Variants in TFDP2 observed in about 807,000 individuals in gnomAD.
TFDP2 encodes transcription factor Dp-2 (E2F dimerization partner 2).
Under a neutral mutation model 59.3 loss-of-function variants are expected in TFDP2, and 17 were observed. That is an observed-to-expected ratio of 0.29 (90% confidence interval 0.20 to 0.43). The LOEUF (loss-of-function observed/expected upper bound fraction) is 0.43. TFDP2 is among the 20% of genes least tolerant of loss of function. The pLI, the probability that TFDP2 is intolerant of heterozygous loss-of-function variation, is 1.00. For synonymous variants in TFDP2, 180 were observed against 194.7 expected (o/e 0.92, Z 0.63); for missense variants, 391 against 528.8 (o/e 0.74, Z 2.56).
At chr3:142,015,360 G>A (rs946231786) in intron 3 of TFDP2, among the ~76,000 whole-genome samples, 5 of 152,048 alleles carry the variant, frequency 3.3e-5, no homozygotes, top group African/African-American at 9.7e-5. Flanking sequence ...TGTCTTACAC[G>A]TATCTCAAAC....
chr3:142,006,592 C>T (rs1297321498), intron 3 of TFDP2, among the ~76,000 whole-genome samples: 1 of 151,790 alleles, frequency 6.6e-6, no homozygotes, highest in Non-Finnish European at 1.5e-5. Flanking sequence ...CCTCAGCCTC[C>T]AAAGTGGCTG....
chr3:142,016,141 A>C (rs1465678054), intron 3 of TFDP2, among the ~76,000 whole-genome samples: 1 of 150,744 alleles, frequency 6.6e-6, no homozygotes, highest in Non-Finnish European at 1.5e-5. Context: ...CCTCCCGAGT[A>C]GCTGGAATTA....
chr3:142,101,664 G>A, intron 2 of TFDP2, 71 bp downstream of exon 2: 1 of 1,014,960 alleles, frequency 9.9e-7, no homozygotes, highest in Middle Eastern at 2.2e-4. Context: ...CCAGAATGGT[G>A]AGAAAATATG....
Position 142,029,431 on chromosome 3 carries a change from T to C in TFDP2, c.83-23887A>G, listed in dbSNP as rs967172332. On this transcript the variant is annotated intron_variant, in intron 3 of 12. Transcript: ENST00000489671. ...GCTAGGGTTAAGTACCTTTCTCCAT[T>C]TTCTCAAGAGGGAACTCAATTATGT... Among the ~76,000 whole-genome samples the C allele has an allele frequency of 4.7e-5, 7 of 148,206 alleles. No individual in the cohort carries two copies. In the East Asian group the frequency reaches 1.2e-3, roughly 25 times the overall value.
intron 10 of TFDP2, among the ~76,000 whole-genome samples, chr3:141,962,864 C>CA (rs912852217): frequency 6.6e-6 from 1 of 152,202 alleles, no homozygotes; most frequent in African/African-American, 2.4e-5. Flanking sequence ...GGTACTGACG[C>CA]AATTATTATA....
chr3:142,022,977 G>A (rs148436924), intron 3 of TFDP2, among the ~76,000 whole-genome samples: 5,160 of 151,292 alleles, frequency 0.034, 292 homozygotes, highest in African/African-American at 0.12. Flanking sequence ...AAAATTAGCC[G>A]GGCGCAGTGG....
At chr3:142,094,744 TCAC>T (rs2061108919) in intron 2 of TFDP2, among the ~76,000 whole-genome samples, 1 of 152,224 alleles carries the variant, frequency 6.6e-6, no homozygotes, top group Non-Finnish European at 1.5e-5. Context: ...TGTAAAATGA[TCAC>T]CACAGTCAAG....
intron 3 of TFDP2, among the ~76,000 whole-genome samples, chr3:142,090,641 G>T (rs1288841640): frequency 3.3e-5 from 5 of 149,986 alleles, no homozygotes; most frequent in African/African-American, 1.2e-4. Flanking sequence ...GCTCACTGCA[G>T]CTTCCGCCTC....
chr3:141,976,330 G>A (rs1423995098), intron 7 of TFDP2, among the ~76,000 whole-genome samples: 1 of 152,108 alleles, frequency 6.6e-6, no homozygotes, highest in Admixed American at 6.6e-5. Flanking sequence ...AGGAACTTAA[G>A]TTATAAAGGT....
intron 3 of TFDP2, chr3:142,043,904 G>C: frequency 7.2e-6 from 7 of 967,822 alleles, no homozygotes; most frequent in Non-Finnish European, 1.2e-5. Context: ...CTAAGCAGCC[G>C]GCGCAGAATC....
At chr3:142,122,105 A>C (rs1339343882) in intron 1 of TFDP2, among the ~76,000 whole-genome samples, 2 of 152,146 alleles carry the variant, frequency 1.3e-5, no homozygotes, top group Admixed American at 1.3e-4. Context: ...AGAACTAAAA[A>C]CTCACTGATT....
rs543631646 is a variant in TFDP2, at chr3:142,140,980, G to A, written c.-93+8203C>T. Among the ~76,000 whole-genome samples, 7 of 152,340 alleles carry A rather than the reference G, an allele frequency of 4.6e-5. No homozygotes were observed. The East Asian group carries it at 7.7e-4, about 17-fold the overall frequency. On this transcript the variant is annotated intron_variant, in intron 1 of 12. Coordinates refer to ENST00000489671, the MANE Select transcript of TFDP2 (RefSeq NM_001178139.2). ...GCTATGCCCTGCCCACAGAGGTGGA[G>A]TCTATAGAGGCAGTAGGCCTTGCTG...
chr3:142,123,615 G>A (rs1460193839), intron 1 of TFDP2, among the ~76,000 whole-genome samples: 1 of 152,022 alleles, frequency 6.6e-6, no homozygotes, highest in Non-Finnish European at 1.5e-5. Context: ...AATGAAAAGT[G>A]ATGAATAATT....
Position 142,114,211 on chromosome 3 carries a change from T to C in TFDP2, c.-92-12370A>G, listed in dbSNP as rs57535573. On this transcript the variant is annotated intron_variant, in intron 1 of 12. Coordinates refer to ENST00000489671, the MANE Select transcript of TFDP2 (RefSeq NM_001178139.2). The stretch of plus-strand genomic sequence containing the variant: ...TATCTCCATTTTATAGAAGGGAAAA[T>C]TGAGTCAGCTTAAGTAACTTGCCCA... Among the ~76,000 whole-genome samples the C allele has an allele frequency of 9.0e-3, 1,365 of 151,268 alleles. 25 individuals carry two copies. Among genetic ancestry groups the C allele is most frequent in the African/African-American group, 0.031 (1,287 of 41,242 alleles).
chr3:142,046,843 GAA>G (rs1384701759), intron 3 of TFDP2, among the ~76,000 whole-genome samples: 2 of 152,074 alleles, frequency 1.3e-5, no homozygotes, highest in East Asian at 3.9e-4. Flanking sequence ...GCATAAGACA[GAA>G]AATTAAGTTG....
intron 1 of TFDP2, among the ~76,000 whole-genome samples, chr3:142,109,228 C>A (rs771355241): frequency 6.6e-6 from 1 of 152,136 alleles, no homozygotes; most frequent in Non-Finnish European, 1.5e-5. Flanking sequence ...TTATTTCCAT[C>A]CTTTAAAAAT....
intron 3 of TFDP2, among the ~76,000 whole-genome samples, chr3:142,084,806 T>C (rs888293563): frequency 4.0e-5 from 6 of 151,858 alleles, no homozygotes; most frequent in Non-Finnish European, 8.8e-5. Context: ...AAATAAACTA[T>C]GGTTATCAGA....
chr3:142,093,955 T>A lies in TFDP2; in HGVS notation c.16-828A>T, dbSNP rs780139655. ...ACTGCTCAATCCATGTCAGCATACGTTACTGTCAGTATTATACTTGAGGGA... is the reference window on the plus strand; with the variant it reads ...ACTGCTCAATCCATGTCAGCATACGATACTGTCAGTATTATACTTGAGGGA... On this transcript the variant is annotated intron_variant, in intron 2 of 12. Transcript: ENST00000489671. 1.2e-5 allele frequency: 6 copies of A among 513,150 alleles called. No homozygotes were observed. The East Asian group carries it at 3.3e-4, about 28-fold the overall frequency. 31.8% of individuals were successfully genotyped at this position (513,150 alleles called of 1,614,324 possible). A position where few individuals can be genotyped will look rare whatever the true frequency, so the allele number is the denominator to read the frequency against.
intron 6 of TFDP2, among the ~76,000 whole-genome samples, chr3:141,988,772 G>A (rs1209917642): frequency 6.7e-6 from 1 of 148,650 alleles, no homozygotes; most frequent in Admixed American, 6.8e-5. Flanking sequence ...AGGTTCAAGC[G>A]ATTCTCCTGC....
Sources: gnomAD v4.1 joint callset for allele counts (sites outside exome capture counted in the v4.1 genomes callset) on GRCh38, gnomAD v4.1.1 for gene constraint, MANE v1.5 for transcripts, NCBI Gene and HGNC (gene_info 2026-07-23, HGNC 2026-07-21) for gene names.